POLR3E: variants seen among roughly 807,000 people sequenced by gnomAD.
The protein encoded by POLR3E is DNA-directed RNA polymerase III subunit RPC5.
A neutral mutation model predicts 96.6 loss-of-function variants in POLR3E; 41 were observed. The observed-to-expected ratio is 0.42, with a 90% confidence interval of 0.33 to 0.55. The LOEUF (loss-of-function observed/expected upper bound fraction) is 0.55, where lower values mean the gene tolerates loss of function less well. Ranked by LOEUF, POLR3E falls within the 20% of genes least tolerant of loss-of-function variation. POLR3E has a pLI of 0.06. For synonymous variants in POLR3E, 396 were observed against 383.6 expected, an observed-to-expected ratio of 1.03 and a Z score of -0.38; for missense variants, 849 against 952.1, an observed-to-expected ratio of 0.89 and a Z score of 1.43.
chr16:22,319,491 C>T (rs552994494), intron 13 of POLR3E, among the ~76,000 whole-genome samples: 103 of 151,834 alleles, frequency 6.8e-4, no homozygotes, highest in African/African-American at 2.3e-3. Flanking sequence ...CTCTGCCTGC[C>T]GGGTTCACGC....
intron 1 of POLR3E, among the ~76,000 whole-genome samples, chr16:22,301,944 C>A (rs1231606592): frequency 6.6e-6 from 1 of 151,166 alleles, no homozygotes; most frequent in Non-Finnish European, 1.5e-5. Context: ...AAAAAAAATT[C>A]ATGCTAGTCT....
intron 18 of POLR3E, 168 bp from the exon 19 acceptor site, chr16:22,328,342 G>A (rs1351400123): frequency 3.2e-6 from 2 of 633,130 alleles, no homozygotes; most frequent in African/African-American, 3.6e-5. Flanking sequence ...TGAGGTGAGA[G>A]GCACAGGTTT....
Position 22,335,055 on chromosome 16 carries a change from G to C in POLR3E, c.*1355G>C, listed in dbSNP as rs2048821593. On this transcript the variant is annotated 3_prime_UTR_variant, in exon 21 of 21. Transcript: ENST00000299853. ...AACAAGTTGATCGTGTATTGATTCT[G>C]TTAACATATGTGAACCTGAAAAGTA... The C allele has an allele frequency of 6.6e-6, 1 of 152,188 alleles. No homozygotes were observed. Among genetic ancestry groups the C allele is most frequent in the Non-Finnish European group, 1.5e-5 (1 of 68,042 alleles). The allele number at this position is 152,188 out of a possible 1,614,324, so 9.4% of individuals were successfully genotyped here.
At chr16:22,301,078 T>G (rs924741131) in intron 1 of POLR3E, among the ~76,000 whole-genome samples, 5 of 143,190 alleles carry the variant, frequency 3.5e-5, no homozygotes. Context: ...CAATGTGATT[T>G]GGAGAGGGAA....
chr16:22,300,460 C>T (rs967923891), intron 1 of POLR3E, among the ~76,000 whole-genome samples: 1 of 152,238 alleles, frequency 6.6e-6, no homozygotes. Flanking sequence ...TCCCTGATCC[C>T]TGGCAGGGCA....
intron 6 of POLR3E, among the ~76,000 whole-genome samples, chr16:22,311,306 G>T: frequency 7.4e-6 from 1 of 134,360 alleles, no homozygotes. Flanking sequence ...ATTTAGTGTA[G>T]CCTAAGTGTG....
chr16:22,320,636 C>T (rs11866613), intron 13 of POLR3E, among the ~76,000 whole-genome samples: 2,739 of 152,246 alleles, frequency 0.018, 82 homozygotes, highest in African/African-American at 0.063. Context: ...ATTCTTTACT[C>T]GCATGTTTAT....
At chr16:22,304,673 G>A (rs1243287563) in intron 2 of POLR3E, among the ~76,000 whole-genome samples, 1 of 152,128 alleles carries the variant, frequency 6.6e-6, no homozygotes, top group Non-Finnish European at 1.5e-5. Flanking sequence ...CGGGGTGGGG[G>A]TGGTTAGTGT....
chr16:22,332,535 T>G (rs1013766099), intron 20 of POLR3E, among the ~76,000 whole-genome samples: 3 of 152,088 alleles, frequency 2.0e-5, no homozygotes, highest in African/African-American at 7.2e-5. Context: ...AAACCATGGC[T>G]TCAGGCTGCT....
In POLR3E at chr16:22,326,184, G is replaced by C; in HGVS notation, c.1772G>C (p.Ser591Thr). Residue 591 changes from serine (S) to threonine (T), a missense_variant, in exon 18 of 21, where the codon AGC becomes ACC. Coordinates refer to ENST00000299853, the MANE Select transcript of POLR3E (RefSeq NM_018119.4). ...LKRLFNLHLA[S>T]LPPGHTLFSG... The stretch of plus-strand genomic sequence containing the variant: ...CGCCTCTTCAATCTGCACTTGGCCA[G>C]CCTGCCCCCCGGCCACACACTCTTC... 6.2e-7 allele frequency: 1 copy of C among 1,614,036 alleles called. No homozygotes were observed. The highest frequency in any genetic ancestry group is 8.5e-7 in the Non-Finnish European group (1 of 1,180,032).
At position 22,313,833 on chromosome 16, in the gene POLR3E, G is replaced by A. The variant is rs1479156114; in HGVS notation, c.472+106G>A. ...TGATAGGATGTTTAGCAGGATCCCT[G>A]GCCTCTACCTACTAGATGCCAGAAG... is the stretch of plus-strand genomic sequence containing the variant. On this transcript the variant is annotated intron_variant, in intron 7 of 20. Coordinates refer to ENST00000299853, the MANE Select transcript of POLR3E (RefSeq NM_018119.4). The surrounding 1 kb of genome is among the most constrained non-coding windows in gnomAD (Gnocchi z 4.1). The A allele has an allele frequency of 3.8e-6, 3 of 797,232 alleles. No individual in the cohort carries two copies. Among genetic ancestry groups the A allele is most frequent in the Non-Finnish European group, 4.1e-6 (2 of 481,952 alleles). 49.4% of individuals were successfully genotyped at this position (797,232 alleles called of 1,614,324 possible). A position where few individuals can be genotyped will look rare whatever the true frequency, so the allele number is the denominator to read the frequency against.
At chr16:22,324,274 G>C (rs977607891) in intron 14 of POLR3E, 80 bp from the exon 15 acceptor site, 26 of 1,167,304 alleles carry the variant, frequency 2.2e-5, no homozygotes, top group Middle Eastern at 2.8e-4. Context: ...CCAGCTCCCA[G>C]GCCTGCCAGG....
Position 22,335,088 on chromosome 16 carries a change from CA to C in POLR3E, c.*1392del, listed in dbSNP as rs996006923. ...ATGTGAACCTGAAAAGTAAAGTTAC[CA>C]AAAGCGATTTGGAATATGTCTCAGC... is the stretch of plus-strand genomic sequence containing the variant. On this transcript the variant is annotated 3_prime_UTR_variant, in exon 21 of 21. Coordinates refer to ENST00000299853, the MANE Select transcript of POLR3E (RefSeq NM_018119.4). 1.3e-5 allele frequency: 2 copies of C among 152,160 alleles called. No homozygotes were observed. The highest frequency in any genetic ancestry group is 4.8e-5 in the African/African-American group (2 of 41,426). 9.4% of individuals were successfully genotyped at this position (152,160 alleles called of 1,614,324 possible).
chr16:22,317,235 G>T, intron 12 of POLR3E, 29 bp downstream of exon 12: 1 of 1,562,362 alleles, frequency 6.4e-7, no homozygotes. Flanking sequence ...CCCACCCGGG[G>T]GCCCCAGTCC....
intron 6 of POLR3E, 179 bp downstream of exon 6, chr16:22,309,689 C>T (rs2048206639): frequency 4.8e-6 from 3 of 629,864 alleles, no homozygotes; most frequent in African/African-American, 3.6e-5. Context: ...GAAGTGGCCA[C>T]CTTTGTGGAC....
At chr16:22,325,076 G>A (rs954171781) in intron 16 of POLR3E, 129 bp from the exon 17 acceptor site, 1 of 763,666 alleles carries the variant, frequency 1.3e-6, no homozygotes, top group Admixed American at 1.8e-5. Context: ...ACTCAGTAGG[G>A]CTGGCTGAGC....
At chr16:22,324,326 CT>C (rs746046608) in intron 14 of POLR3E, 27 bp from the exon 15 acceptor site, 1 of 1,606,798 alleles carries the variant, frequency 6.2e-7, no homozygotes, top group Non-Finnish European at 8.5e-7. Context: ...GTGGCCGCCC[CT>C]GGAATGTGCT....
intron 1 of POLR3E, among the ~76,000 whole-genome samples, chr16:22,301,413 C>A (rs1264688768): frequency 6.6e-6 from 1 of 152,050 alleles, no homozygotes; most frequent in African/African-American, 2.4e-5. Flanking sequence ...AAAGCCCCGT[C>A]TCTACTGAAA....
At chr16:22,319,529 G>A (rs1379715446) in intron 13 of POLR3E, among the ~76,000 whole-genome samples, 1 of 151,536 alleles carries the variant, frequency 6.6e-6, no homozygotes, top group East Asian at 1.9e-4. Context: ...CTCCCGAGTA[G>A]CTGGGACTAC....
Sources: gnomAD v4.1 joint callset for allele counts (sites outside exome capture counted in the v4.1 genomes callset) on GRCh38, gnomAD v4.1.1 for gene constraint, Gnocchi (gnomAD v3.1) non-coding constraint, MANE v1.5 for transcripts, NCBI Gene and HGNC (gene_info 2026-07-23, HGNC 2026-07-21) for gene names.